The following ADGRL2 variants were observed in gnomAD, a reference collection of about 807,000 sequenced individuals.
The protein encoded by ADGRL2 is adhesion G protein-coupled receptor L2.
A neutral mutation model predicts 157.4 loss-of-function variants in ADGRL2; 44 were observed. That is an observed-to-expected ratio of 0.28 (90% confidence interval 0.22 to 0.36). The LOEUF is 0.36. Ranked by LOEUF, ADGRL2 falls within the 10% of genes least tolerant of loss-of-function variation. The pLI is 1.00. For missense variants in ADGRL2, 1,510 were observed against 1,768.9 expected, an observed-to-expected ratio of 0.85 and a Z score of 2.63; for synonymous variants, 585 against 624.7, an observed-to-expected ratio of 0.94 and a Z score of 0.95.
chr1:81,689,130 G>A (rs971595592), intron 3 of ADGRL2, among the ~76,000 whole-genome samples: 2 of 152,226 alleles, frequency 1.3e-5, no homozygotes, highest in Non-Finnish European at 2.9e-5. Context: ...CAAAGACACA[G>A]TAGTTTATTT....
intron 1 of ADGRL2, among the ~76,000 whole-genome samples, chr1:81,825,799 A>T (rs892253469): frequency 5.3e-5 from 8 of 151,896 alleles, no homozygotes; most frequent in African/African-American, 1.7e-4. Flanking sequence ...GTGTTCTTCC[A>T]TGTAAAATTA....
At chr1:81,964,661 C>G (rs1656514701) in intron 11 of ADGRL2, among the ~76,000 whole-genome samples, 1 of 151,918 alleles carries the variant, frequency 6.6e-6, no homozygotes, top group Admixed American at 6.6e-5. Context: ...CCAAGAATTA[C>G]TGTACAATGG....
At chr1:81,379,360 C>T (rs1317846512) in intron 1 of ADGRL2, among the ~76,000 whole-genome samples, 5 of 152,196 alleles carry the variant, frequency 3.3e-5, no homozygotes, top group African/African-American at 1.2e-4. Context: ...ACAGGGTGCT[C>T]TTTTAATTTA....
intron 1 of ADGRL2, among the ~76,000 whole-genome samples, chr1:81,708,172 G>A (rs1242678646): frequency 6.6e-6 from 1 of 152,052 alleles, no homozygotes; most frequent in African/African-American, 2.4e-5. Context: ...ACTCAAGGAG[G>A]CACCTTCATA....
intron 2 of ADGRL2, among the ~76,000 whole-genome samples, chr1:81,487,172 A>AT (rs2078526147): frequency 6.7e-6 from 1 of 150,202 alleles, no homozygotes; most frequent in South Asian, 2.1e-4. Flanking sequence ...GGAGGCTGAG[A>AT]TGGGAGGATT....
At chr1:81,874,159 T>G (rs1333190179) in intron 2 of ADGRL2, among the ~76,000 whole-genome samples, 1 of 152,164 alleles carries the variant, frequency 6.6e-6, no homozygotes, top group African/African-American at 2.4e-5. Flanking sequence ...CATTGAAAAC[T>G]TGCCATTTCA....
chr1:81,951,495 C>A (rs1282017362), intron 8 of ADGRL2, among the ~76,000 whole-genome samples: 4 of 152,078 alleles, frequency 2.6e-5, no homozygotes, highest in Non-Finnish European at 1.5e-5. Context: ...AATGAGTAAA[C>A]TACTTTAAAA....
chr1:81,660,334 G>T (rs1418425880), intron 3 of ADGRL2, among the ~76,000 whole-genome samples: 1 of 152,150 alleles, frequency 6.6e-6, no homozygotes, highest in Non-Finnish European at 1.5e-5. Flanking sequence ...TTAATAGGTT[G>T]TACTGAGTAA....
chr1:81,560,840 C>T (rs1336913129), intron 2 of ADGRL2, among the ~76,000 whole-genome samples: 3 of 152,068 alleles, frequency 2.0e-5, no homozygotes, highest in South Asian at 2.1e-4. Context: ...CACCACGGCC[C>T]GGTCCTCCAG....
intron 3 of ADGRL2, among the ~76,000 whole-genome samples, chr1:81,916,941 T>C (rs2094869610): frequency 6.6e-6 from 1 of 151,920 alleles, no homozygotes; most frequent in Non-Finnish European, 1.5e-5. Context: ...GTATACTGTA[T>C]TGACTAATTT....
At chr1:81,898,669 C>T (rs2094436585) in intron 2 of ADGRL2, among the ~76,000 whole-genome samples, 1 of 152,112 alleles carries the variant, frequency 6.6e-6, no homozygotes, top group Non-Finnish European at 1.5e-5. Flanking sequence ...TTAGTTGGCT[C>T]CATGAATATG....
chr1:81,583,703 G>A (rs1214744020), intron 3 of ADGRL2, among the ~76,000 whole-genome samples: 1 of 151,956 alleles, frequency 6.6e-6, no homozygotes. Flanking sequence ...AAAACAATAC[G>A]TTTTCAAGCA....
chr1:81,733,770 A>G (rs72715753), intron 1 of ADGRL2, among the ~76,000 whole-genome samples: 16,139 of 152,144 alleles, frequency 0.11, 896 homozygotes, highest in South Asian at 0.14. Context: ...TTTGGAATAA[A>G]GGAGCTAAAT....
chr1:81,603,181 G>T (rs2081368485), intron 3 of ADGRL2, among the ~76,000 whole-genome samples: 1 of 151,946 alleles, frequency 6.6e-6, no homozygotes, highest in South Asian at 2.1e-4. Context: ...CCTAAAATAT[G>T]TAGTTCCTGT....
intron 2 of ADGRL2, among the ~76,000 whole-genome samples, chr1:81,570,315 A>G (rs751670791): frequency 6.6e-6 from 1 of 152,218 alleles, no homozygotes; most frequent in Non-Finnish European, 1.5e-5. Context: ...AACTGCACTG[A>G]AAAGCTATAT....
chr1:81,915,453 T>C (rs774300965), intron 3 of ADGRL2, among the ~76,000 whole-genome samples: 20 of 152,098 alleles, frequency 1.3e-4, no homozygotes, highest in Non-Finnish European at 1.9e-4. Context: ...CAGGTGTGAA[T>C]TGGCTCATTT....
chr1:81,539,337 C>G (rs1446330731), intron 2 of ADGRL2, among the ~76,000 whole-genome samples: 2 of 152,106 alleles, frequency 1.3e-5, no homozygotes, highest in African/African-American at 4.8e-5. Flanking sequence ...CACCCCTCCC[C>G]ACCAGGACTG....
chr1:81,866,519 C>T (rs113858995), intron 2 of ADGRL2, among the ~76,000 whole-genome samples: 1 of 151,868 alleles, frequency 6.6e-6, no homozygotes, highest in East Asian at 1.9e-4. Flanking sequence ...ATTCTGGCAT[C>T]CTTTTAAGTA....
intron 4 of ADGRL2, among the ~76,000 whole-genome samples, chr1:81,940,207 C>T (rs148941352): frequency 1.1e-4 from 16 of 151,496 alleles, no homozygotes; most frequent in African/African-American, 3.4e-4. Context: ...TTATTTCCAT[C>T]CTTTACATTT....
Sources: allele counts gnomAD v4.1 joint callset (sites outside exome capture counted in the v4.1 genomes callset), GRCh38; gene constraint gnomAD v4.1.1; transcripts MANE v1.5; gene names NCBI Gene and HGNC (gene_info 2026-07-23, HGNC 2026-07-21).